LIPJ: variants seen among roughly 807,000 people sequenced by gnomAD.
The protein encoded by LIPJ is lipase family member J.
LIPJ carries 33 observed loss-of-function variants against 39.8 expected under a neutral mutation model. The observed-to-expected ratio is 0.83, with a 90% CI of 0.63 to 1.11. LIPJ has a LOEUF of 1.11. Among genes scored for constraint, LIPJ ranks in the 50% least tolerant of loss-of-function variants. The probability of loss-of-function intolerance (pLI) is 0.00; values close to 1 mark genes in which losing one functional copy is unlikely to be tolerated. For missense variants in LIPJ, 422 were observed against 427.9 expected (o/e 0.99, Z 0.12); for synonymous variants, 128 against 139.2 (o/e 0.92, Z 0.57).
downstream of LIPJ, among the ~76,000 whole-genome samples, chr10:88,607,419 T>G (rs1303909810): frequency 6.6e-6 from 1 of 152,092 alleles, no homozygotes; most frequent in Non-Finnish European, 1.5e-5. Context: ...AAGTCCCAGA[T>G]GTAGGGAGAT....
At chr10:88,615,589 C>T in the LIPJ span, among the ~76,000 whole-genome samples, 1 of 133,428 alleles carries the variant, frequency 7.5e-6, no homozygotes, top group Admixed American at 8.4e-5. Context: ...GATTGTGCCA[C>T]TGCACTCCAG....
At chr10:88,600,112 T>G (rs536257236) in intron 8 of LIPJ, among the ~76,000 whole-genome samples, 17 of 152,270 alleles carry the variant, frequency 1.1e-4, no homozygotes, top group African/African-American at 3.8e-4. Context: ...ATTACTTATG[T>G]TAAGTTTGTG....
Position 88,602,624 on chromosome 10 carries a change from CA to C in LIPJ, c.776del (p.Asn259IlefsTer9). Reference sequence around the variant, plus strand: ...ACACAACCCAGCAGGAACATCTGTTCAAAATATGCTTCATTGGAGTCAGGTA... The same window carrying C: ...ACACAACCCAGCAGGAACATCTGTTCAAATATGCTTCATTGGAGTCAGGTA... On this transcript the variant is annotated frameshift_variant, in exon 9 of 11. Coordinates refer to ENST00000371939, the Ensembl canonical transcript of LIPJ. LOFTEE classifies it high-confidence loss of function. The C allele has an allele frequency of 7.2e-7, 1 of 1,385,038 alleles. No homozygotes were observed. Among genetic ancestry groups the C allele is most frequent in the South Asian group, 1.2e-5 (1 of 84,102 alleles). 85.8% of individuals were successfully genotyped at this position (1,385,038 alleles called of 1,614,324 possible). A position where few individuals can be genotyped will look rare whatever the true frequency, so the allele number is the denominator to read the frequency against.
At chr10:88,596,962 T>A (rs762743982) in intron 8 of LIPJ, 26 bp downstream of exon 8, 3 of 1,269,904 alleles carry the variant, frequency 2.4e-6, no homozygotes, top group Non-Finnish European at 3.3e-6. Context: ...ATTTGAAATA[T>A]ATATATTTTC....
At chr10:88,605,931 T>C (rs1224117934) in intron 10 of LIPJ, among the ~76,000 whole-genome samples, 1 of 152,136 alleles carries the variant, frequency 6.6e-6, no homozygotes, top group East Asian at 1.9e-4. Context: ...TCCAGAAAAA[T>C]TGACAGGCAG....
the LIPJ span, among the ~76,000 whole-genome samples, chr10:88,617,925 T>G: frequency 1.3e-5 from 2 of 152,214 alleles, no homozygotes; most frequent in African/African-American, 4.8e-5. Context: ...GGAATAAATT[T>G]GATGTTGCTC....
chr10:88,615,662 T>G, the LIPJ span, among the ~76,000 whole-genome samples: 10 of 96,842 alleles, frequency 1.0e-4, no homozygotes, highest in Admixed American at 4.1e-4. Flanking sequence ...CAGAAAGAAA[T>G]ACCCTAACAT....
chr10:88,605,441 A>T (rs1026014961), intron 9 of LIPJ, among the ~76,000 whole-genome samples, 192 bp from the exon 10 acceptor site: 1 of 152,168 alleles, frequency 6.6e-6, no homozygotes, highest in Non-Finnish European at 1.5e-5. Context: ...ATTTCTTTAG[A>T]TTCCCCTGCC....
chr10:88,621,253 G>A, the LIPJ span, among the ~76,000 whole-genome samples: 1 of 152,142 alleles, frequency 6.6e-6, no homozygotes, highest in Non-Finnish European at 1.5e-5. Flanking sequence ...TAGGGGGTGA[G>A]AAGAACCTAA....
At chr10:88,583,769 T>C, upstream of LIPJ, 1 of 936,506 alleles carries the variant, frequency 1.1e-6, no homozygotes. Flanking sequence ...TGAACCTCAA[T>C]TTCTCCATCT....
downstream of LIPJ, among the ~76,000 whole-genome samples, chr10:88,609,773 C>A (rs540216287): frequency 6.6e-6 from 1 of 152,030 alleles, no homozygotes; most frequent in South Asian, 2.1e-4. Flanking sequence ...GTGGTGTGCA[C>A]CTGTAGTCCC....
the LIPJ span, among the ~76,000 whole-genome samples, chr10:88,612,460 C>T: frequency 6.6e-6 from 1 of 152,072 alleles, no homozygotes; most frequent in African/African-American, 2.4e-5. Context: ...AACTCACCAA[C>T]CAAATTTCTC....
At chr10:88,599,879 T>G (rs1851413047) in intron 8 of LIPJ, among the ~76,000 whole-genome samples, 1 of 151,768 alleles carries the variant, frequency 6.6e-6, no homozygotes, top group South Asian at 2.1e-4. Flanking sequence ...CAGTATTTAG[T>G]AAATTTATTT....
chr10:88,613,720 G>A, the LIPJ span, among the ~76,000 whole-genome samples: 1 of 140,490 alleles, frequency 7.1e-6, no homozygotes, highest in Non-Finnish European at 1.5e-5. Flanking sequence ...AGATCTTCCT[G>A]GTGATGAAAC....
chr10:88,611,237 A>C (rs976682990), downstream of LIPJ, among the ~76,000 whole-genome samples: 5 of 152,148 alleles, frequency 3.3e-5, no homozygotes, highest in Non-Finnish European at 7.4e-5. Flanking sequence ...CCAAGGGAGC[A>C]CCCCATGGGA....
At chr10:88,610,762 G>T (rs1206566597), downstream of LIPJ, among the ~76,000 whole-genome samples, 1 of 152,156 alleles carries the variant, frequency 6.6e-6, no homozygotes, top group African/African-American at 2.4e-5. Context: ...TAACAAAGAT[G>T]CTTAAGTAAT....
downstream of LIPJ, among the ~76,000 whole-genome samples, chr10:88,611,028 C>G (rs1851744776): frequency 6.6e-6 from 1 of 152,186 alleles, no homozygotes; most frequent in African/African-American, 2.4e-5. Flanking sequence ...CCCCTGCTAC[C>G]TCCACCAGAG....
chr10:88,622,290 C>T, the LIPJ span, among the ~76,000 whole-genome samples: 1 of 152,162 alleles, frequency 6.6e-6, no homozygotes, highest in African/African-American at 2.4e-5. Context: ...TTATCCTTCT[C>T]CCTTGTTTCC....
the LIPJ span, among the ~76,000 whole-genome samples, chr10:88,621,489 T>A: frequency 6.6e-6 from 1 of 152,150 alleles, no homozygotes; most frequent in Non-Finnish European, 1.5e-5. Context: ...AAAGTTCAAT[T>A]GTTACCAGAG....
Sources: gnomAD v4.1 joint callset for allele counts (sites outside exome capture counted in the v4.1 genomes callset) on GRCh38, gnomAD v4.1.1 for gene constraint, MANE v1.5 for transcripts, NCBI Gene and HGNC (gene_info 2026-07-23, HGNC 2026-07-21) for gene names.